The following RABEP1 variants were observed in gnomAD, a reference collection of about 807,000 sequenced individuals.
RABEP1 encodes the protein rab GTPase-binding effector protein 1.
A neutral mutation model predicts 123.4 loss-of-function variants in RABEP1; 51 were observed. The ratio of observed to expected loss-of-function variants is 0.41; its 90% CI spans 0.33 to 0.52. RABEP1 has a LOEUF of 0.52. RABEP1 is among the 20% of genes least tolerant of loss of function. The pLI, the probability that RABEP1 is intolerant of heterozygous loss-of-function variation, is 0.16. For synonymous variants in RABEP1, 347 were observed against 355.2 expected (o/e 0.98, Z 0.26); for missense variants, 888 against 996.3 (o/e 0.89, Z 1.46).
intron 1 of RABEP1, among the ~76,000 whole-genome samples, chr17:5,299,830 A>G (rs2144493641): frequency 6.9e-6 from 1 of 145,878 alleles, no homozygotes; most frequent in East Asian, 2.1e-4. Context: ...CCTGGGTTCA[A>G]GCGATTCTCC....
intron 12 of RABEP1, among the ~76,000 whole-genome samples, chr17:5,371,978 C>T (rs1054544193): frequency 3.3e-5 from 5 of 151,968 alleles, no homozygotes; most frequent in African/African-American, 1.2e-4. Flanking sequence ...TATGTGTGCC[C>T]TTAAGGTAAG....
intron 1 of RABEP1, among the ~76,000 whole-genome samples, chr17:5,305,896 G>T (rs1471857879): frequency 6.6e-6 from 1 of 152,084 alleles, no homozygotes; most frequent in East Asian, 1.9e-4. Context: ...AGAAGTCAGT[G>T]CTTTGACTTA....
At chr17:5,304,727 G>T (rs2075165554) in intron 1 of RABEP1, among the ~76,000 whole-genome samples, 2 of 152,136 alleles carry the variant, frequency 1.3e-5, no homozygotes, top group Admixed American at 1.3e-4. Flanking sequence ...ATTTCAGAAG[G>T]TTTAATTTTG....
At chr17:5,352,986 A>G (rs62075135) in intron 7 of RABEP1, among the ~76,000 whole-genome samples, 70,990 of 152,016 alleles carry the variant, frequency 0.47, 17,795 homozygotes, top group African/African-American at 0.66. Flanking sequence ...CTCCATAAGC[A>G]GTAGGGACTA....
At chr17:5,358,821 C>A (rs1049619165) in intron 8 of RABEP1, among the ~76,000 whole-genome samples, 3 of 152,144 alleles carry the variant, frequency 2.0e-5, no homozygotes, top group Non-Finnish European at 4.4e-5. Context: ...AGTACAGTGG[C>A]ACCATCACAG....
At chr17:5,308,531 T>G (rs576669020) in intron 1 of RABEP1, among the ~76,000 whole-genome samples, 163 bp from the exon 2 acceptor site, 1 of 152,342 alleles carries the variant, frequency 6.6e-6, no homozygotes, top group Non-Finnish European at 1.5e-5. Context: ...TGGTCTGTCT[T>G]ACTTTTTTTA....
chr17:5,307,719 A>C lies in RABEP1; in HGVS notation c.35-975A>C, dbSNP rs141215850. ...ACCCCTGGGTTTGGTCAGGGAAGGC[A>C]ATCATTTAACCAGCTGTGTCCAAAT... On this transcript the variant is annotated intron_variant, in intron 1 of 17. Coordinates refer to ENST00000537505, the MANE Select transcript of RABEP1 (RefSeq NM_004703.6). Among the ~76,000 whole-genome samples, 261 of 152,326 alleles carry C rather than the reference A, an allele frequency of 1.7e-3. 1 individual carries two copies. The highest frequency in any genetic ancestry group is 5.7e-3 in the African/African-American group (237 of 41,588).
chr17:5,370,237 G>A (rs1910422664), intron 12 of RABEP1, among the ~76,000 whole-genome samples: 1 of 152,170 alleles, frequency 6.6e-6, no homozygotes, highest in Admixed American at 6.5e-5. Flanking sequence ...TGATGTGTGT[G>A]TGTACGTATG....
intron 11 of RABEP1, 152 bp from the exon 12 acceptor site, chr17:5,368,218 G>C (rs1398518886): frequency 1.6e-6 from 1 of 609,940 alleles, no homozygotes; most frequent in African/African-American, 1.8e-5. Context: ...TTTGCACATA[G>C]CAGATGTGCA....
At chr17:5,379,181 CTCAGGCA>C (rs1205216767) in intron 15 of RABEP1, among the ~76,000 whole-genome samples, 1 of 152,202 alleles carries the variant, frequency 6.6e-6, no homozygotes, top group Non-Finnish European at 1.5e-5. Context: ...GGCCTCACTC[CTCAGGCA>C]TCAGGCAGGG....
chr17:5,350,635 T>C lies in RABEP1; in HGVS notation c.963+6T>C. The stretch of plus-strand genomic sequence containing the variant: ...AACTGAAGAAGAAAGATCAGGTGAA[T>C]AGAAGTTTTTAGGACTGATTTGCTT... On this transcript the variant is annotated splice_donor_region_variant and intron_variant, in intron 7 of 17. Transcript: ENST00000537505. 1 of 1,613,392 alleles carries C rather than the reference T, an allele frequency of 6.2e-7. No individual in the cohort carries two copies. The highest frequency in any genetic ancestry group is 8.5e-7 in the Non-Finnish European group (1 of 1,179,742).
intron 1 of RABEP1, among the ~76,000 whole-genome samples, chr17:5,282,967 A>ATG (rs760438937): frequency 4.9e-4 from 74 of 152,082 alleles, no homozygotes; most frequent in Admixed American, 2.0e-3. Context: ...GCACCCAGTT[A>ATG]TGTGACCTGA....
At position 5,335,299 on chromosome 17, in the gene RABEP1, G is replaced by T. The variant is rs770718563; in HGVS notation, c.483G>T (p.Leu161=). 1.9e-6 allele frequency: 3 copies of T among 1,613,892 alleles called. No homozygotes were observed. The African/African-American group carries it at 4.0e-5, about 22-fold the overall frequency. The change falls in exon 4 of 18, where the codon CTG becomes CTT. Residue 161 remains leucine, a synonymous_variant. Transcript: ENST00000537505. ...AAATAGCTGATTTAAGAAGAAGGCT[G>T]TCTGAAGGTCAAGAGGAGGAAAATT... ...EREIADLRRR[L]SEGQEEENLE...
chr17:5,333,837 G>A (rs530468329), intron 3 of RABEP1, among the ~76,000 whole-genome samples: 50 of 152,240 alleles, frequency 3.3e-4, no homozygotes, highest in African/African-American at 1.0e-3. Context: ...TTCTCCTTCA[G>A]TCTGCATCAG....
intron 6 of RABEP1, among the ~76,000 whole-genome samples, chr17:5,348,243 T>C (rs1890927818): frequency 6.6e-6 from 1 of 152,178 alleles, no homozygotes; most frequent in Non-Finnish European, 1.5e-5. Context: ...CCTCCCAAAG[T>C]GCTGGGATTA....
chr17:5,290,178 C>A (rs1159233277), intron 1 of RABEP1, among the ~76,000 whole-genome samples: 2 of 152,346 alleles, frequency 1.3e-5, no homozygotes, highest in Middle Eastern at 3.4e-3. Context: ...AGCTCCGCCT[C>A]CTGGGTTCAC....
At chr17:5,319,615 G>C (rs900182597) in intron 2 of RABEP1, among the ~76,000 whole-genome samples, 12 of 151,932 alleles carry the variant, frequency 7.9e-5, no homozygotes, top group African/African-American at 2.9e-4. Context: ...TGCCTGCCTT[G>C]GCCTCCCAAA....
chr17:5,293,049 G>T (rs2075047552), intron 1 of RABEP1, among the ~76,000 whole-genome samples: 1 of 152,116 alleles, frequency 6.6e-6, no homozygotes, highest in Non-Finnish European at 1.5e-5. Context: ...CAGCAGTTTG[G>T]AAGACTGAGG....
intron 1 of RABEP1, among the ~76,000 whole-genome samples, chr17:5,308,430 C>T (rs1036231113): frequency 7.9e-5 from 12 of 152,166 alleles, no homozygotes; most frequent in South Asian, 4.1e-4. Context: ...TTCTCCATGT[C>T]GGCCAGGCTG....
Sources: gnomAD v4.1 joint callset for allele counts (sites outside exome capture counted in the v4.1 genomes callset) on GRCh38, gnomAD v4.1.1 for gene constraint, MANE v1.5 for transcripts, NCBI Gene and HGNC (gene_info 2026-07-23, HGNC 2026-07-21) for gene names.